APBA2: variants seen among roughly 807,000 people sequenced by gnomAD.
The protein encoded by APBA2 is amyloid-beta A4 precursor protein-binding family A member 2.
APBA2 carries 30 observed loss-of-function variants against 75.0 expected under a neutral mutation model. That is an observed-to-expected ratio of 0.40 (90% CI 0.30 to 0.54). The LOEUF is 0.54. Ranked by LOEUF, APBA2 falls within the 20% of genes least tolerant of loss-of-function variation. The probability of loss-of-function intolerance (pLI) is 0.49; values close to 1 mark genes in which losing one functional copy is unlikely to be tolerated. For missense variants in APBA2, 801 were observed against 1,016.1 expected (o/e 0.79, Z 2.88); for synonymous variants, 444 against 409.6 (o/e 1.08, Z -1.01).
At chr15:29,093,316 G>A (rs1300314853) in intron 7 of APBA2, 96 bp downstream of exon 7, 38 of 1,513,916 alleles carry the variant, frequency 2.5e-5, no homozygotes, top group Non-Finnish European at 3.2e-5. Flanking sequence ...CTTCCAGCTC[G>A]GACTGCACAG....
At chr15:28,970,031 G>A (rs1431683841) in intron 2 of APBA2, among the ~76,000 whole-genome samples, 1 of 152,150 alleles carries the variant, frequency 6.6e-6, no homozygotes, top group African/African-American at 2.4e-5. Context: ...AGACTGGACA[G>A]CTTGGCCTCT....
At chr15:28,981,506 A>G (rs2037620277) in intron 2 of APBA2, among the ~76,000 whole-genome samples, 1 of 152,222 alleles carries the variant, frequency 6.6e-6, no homozygotes, top group South Asian at 2.1e-4. Flanking sequence ...CAAAAAAAAT[A>G]ACAGTTGCTG....
chr15:29,102,119 A>G (rs532635925), intron 10 of APBA2: 150 of 445,856 alleles, frequency 3.4e-4, no homozygotes, highest in Admixed American at 7.3e-4. Flanking sequence ...TTAAAATGCA[A>G]ATTTTCGCAT....
At chr15:29,023,091 A>T (rs1461940431) in intron 3 of APBA2, among the ~76,000 whole-genome samples, 1 of 152,052 alleles carries the variant, frequency 6.6e-6, no homozygotes, top group Non-Finnish European at 1.5e-5. Context: ...TCGTCCGTTG[A>T]TTCTCTTGGT....
intron 6 of APBA2, among the ~76,000 whole-genome samples, chr15:29,089,669 G>C (rs976179911): frequency 7.9e-5 from 12 of 152,170 alleles, no homozygotes; most frequent in African/African-American, 2.7e-4. Flanking sequence ...TCTCCAGAGG[G>C]CCTAGGGTTT....
At chr15:29,058,206 G>C (rs2041986539) in intron 4 of APBA2, among the ~76,000 whole-genome samples, 2 of 152,082 alleles carry the variant, frequency 1.3e-5, no homozygotes, top group African/African-American at 4.8e-5. Flanking sequence ...CTTTGGTCTG[G>C]TCGATACGAA....
chr15:28,958,433 G>C (rs1302422281), intron 2 of APBA2, among the ~76,000 whole-genome samples: 2 of 152,268 alleles, frequency 1.3e-5, no homozygotes, highest in African/African-American at 4.8e-5. Context: ...TAAGTGCACA[G>C]ATAGGTGAAG....
At chr15:28,943,311 C>T (rs530316630) in intron 2 of APBA2, among the ~76,000 whole-genome samples, 217 of 152,298 alleles carry the variant, frequency 1.4e-3, no homozygotes, top group African/African-American at 5.1e-3. Flanking sequence ...CCTCTGCTCA[C>T]GTGCCATGGA....
chr15:28,906,821 T>A (rs1416720948), intron 1 of APBA2, among the ~76,000 whole-genome samples: 2 of 152,214 alleles, frequency 1.3e-5, no homozygotes, highest in Admixed American at 6.5e-5. Flanking sequence ...CATCCTTGCC[T>A]CTTTTCCTCT....
chr15:29,059,127 C>A (rs2042026162), intron 4 of APBA2, among the ~76,000 whole-genome samples: 1 of 152,220 alleles, frequency 6.6e-6, no homozygotes, highest in African/African-American at 2.4e-5. Context: ...TGAGGTTGAA[C>A]AAGGCTTTGC....
chr15:29,009,261 C>A (rs1385647244), intron 3 of APBA2, among the ~76,000 whole-genome samples: 1 of 152,150 alleles, frequency 6.6e-6, no homozygotes, highest in Non-Finnish European at 1.5e-5. Flanking sequence ...CCCCTCCCCT[C>A]ACTGTAACAA....
At chr15:28,924,780 A>C (rs1403485569) in intron 2 of APBA2, among the ~76,000 whole-genome samples, 1 of 152,026 alleles carries the variant, frequency 6.6e-6, no homozygotes, top group Non-Finnish European at 1.5e-5. Flanking sequence ...TGTATTTAGG[A>C]GTGGAATTGT....
At chr15:28,929,750 C>T (rs2034464597) in intron 2 of APBA2, among the ~76,000 whole-genome samples, 1 of 152,182 alleles carries the variant, frequency 6.6e-6, no homozygotes, top group African/African-American at 2.4e-5. Context: ...ACCAATTTGC[C>T]CCCATTATCC....
chr15:29,003,098 T>C (rs988261447), intron 3 of APBA2, among the ~76,000 whole-genome samples: 8 of 152,062 alleles, frequency 5.3e-5, no homozygotes, highest in African/African-American at 1.4e-4. Context: ...CAGCTTGACC[T>C]GTGTAGATGG....
At chr15:29,104,955 G>T (rs988383559) in intron 10 of APBA2, among the ~76,000 whole-genome samples, 1 of 152,094 alleles carries the variant, frequency 6.6e-6, no homozygotes, top group African/African-American at 2.4e-5. Flanking sequence ...GGATGTGGTT[G>T]TGCTCACCTA....
intron 2 of APBA2, chr15:28,977,269 A>G (rs1411836167): frequency 6.6e-6 from 1 of 152,008 alleles, no homozygotes; most frequent in Non-Finnish European, 1.5e-5. Flanking sequence ...GGGGAGAGAG[A>G]GAGCATCTCT....
At chr15:29,055,260 C>T (rs958767011) in intron 4 of APBA2, among the ~76,000 whole-genome samples, 2 of 152,246 alleles carry the variant, frequency 1.3e-5, no homozygotes, top group Admixed American at 6.5e-5. Context: ...CTGCTGCGGC[C>T]AGTGTTGGGT....
chr15:29,036,395 G>A (rs559698005), intron 3 of APBA2, among the ~76,000 whole-genome samples: 50 of 152,274 alleles, frequency 3.3e-4, no homozygotes, highest in Non-Finnish European at 6.5e-4. Context: ...CAGCAGAGAT[G>A]CTCACTTCAA....
chr15:29,091,029 C>A (rs760493540), intron 6 of APBA2, among the ~76,000 whole-genome samples: 68 of 152,072 alleles, frequency 4.5e-4, no homozygotes, highest in Non-Finnish European at 1.3e-4. Context: ...GGGTCCTGTT[C>A]CCTCTGTGGG....
Sources: gnomAD v4.1 joint callset for allele counts (sites outside exome capture counted in the v4.1 genomes callset) on GRCh38, gnomAD v4.1.1 for gene constraint, MANE v1.5 for transcripts, NCBI Gene and HGNC (gene_info 2026-07-23, HGNC 2026-07-21) for gene names.